Variants in NPAS3 observed in about 807,000 individuals in gnomAD.
The protein encoded by NPAS3 is neuronal PAS domain-containing protein 3.
NPAS3 carries 14 observed loss-of-function variants against 73.1 expected under a neutral mutation model. The observed-to-expected ratio is 0.19, with a 90% CI of 0.13 to 0.30. The LOEUF (loss-of-function observed/expected upper bound fraction) is 0.30, where lower values mean the gene tolerates loss of function less well. NPAS3 is among the 10% of genes least tolerant of loss of function. NPAS3 has a pLI of 1.00. For missense variants in NPAS3, 1,096 were observed against 1,250.0 expected, an observed-to-expected ratio of 0.88 and a Z score of 1.86; for synonymous variants, 620 against 541.5, an observed-to-expected ratio of 1.14 and a Z score of -2.01.
At chr14:33,398,802 G>T (rs989342891) in intron 4 of NPAS3, among the ~76,000 whole-genome samples, 1 of 152,086 alleles carries the variant, frequency 6.6e-6, no homozygotes, top group South Asian at 2.1e-4. Flanking sequence ...ATTTTGAAGA[G>T]ATTAAGTTGG....
chr14:33,205,135 A>G (rs982217049), intron 2 of NPAS3, among the ~76,000 whole-genome samples: 2 of 152,194 alleles, frequency 1.3e-5, no homozygotes, highest in African/African-American at 4.8e-5. Flanking sequence ...TTTGATTTGT[A>G]GCAGTTCATT....
At chr14:33,438,172 T>C (rs1220908478) in intron 4 of NPAS3, among the ~76,000 whole-genome samples, 1 of 152,314 alleles carries the variant, frequency 6.6e-6, no homozygotes, top group East Asian at 1.9e-4. Flanking sequence ...TTACTGAGCA[T>C]AAAAAACATA....
intron 5 of NPAS3, among the ~76,000 whole-genome samples, chr14:33,645,951 A>C (rs1417828941): frequency 6.6e-6 from 1 of 152,226 alleles, no homozygotes; most frequent in Non-Finnish European, 1.5e-5. Context: ...AGTAATGAAG[A>C]AAGAGAAGTT....
chr14:33,513,489 T>C lies in NPAS3; in HGVS notation c.469-46632T>C, dbSNP rs902540962. 8.5e-5 allele frequency among the ~76,000 whole-genome samples: 13 copies of C among 152,186 alleles called. No homozygotes were observed. The East Asian group carries it at 2.5e-3, about 30-fold the overall frequency. ...AGCCAGCCTTTGAGTACAGTAGGTA[T>C]TGGTTCCATAATTATATAATGTTAA... is the stretch of plus-strand genomic sequence containing the variant. On this transcript the variant is annotated intron_variant, in intron 4 of 11. Coordinates refer to ENST00000356141, the Ensembl canonical transcript of NPAS3.
In NPAS3 at chr14:33,749,596, G is replaced by C. The variant is rs192031940; in HGVS notation, c.852+14264G>C. Among the ~76,000 whole-genome samples, 15 of 152,252 alleles carry C rather than the reference G, an allele frequency of 9.9e-5. No homozygotes were observed. The East Asian group carries it at 2.5e-3, about 25-fold the overall frequency. Reference sequence around the variant, plus strand: ...CTTTTCTTTATACTGAAATGATATAGAGAGTGATGCAATTTGCCCAACAAC... The same window carrying C: ...CTTTTCTTTATACTGAAATGATATACAGAGTGATGCAATTTGCCCAACAAC... On this transcript the variant is annotated intron_variant, in intron 7 of 11. Coordinates refer to ENST00000356141, the Ensembl canonical transcript of NPAS3.
intron 5 of NPAS3, among the ~76,000 whole-genome samples, chr14:33,618,098 C>A (rs533780554): frequency 6.6e-6 from 1 of 152,226 alleles, no homozygotes; most frequent in South Asian, 2.1e-4. Context: ...CATATCCACC[C>A]TGAACAGAGA....
intron 3 of NPAS3, among the ~76,000 whole-genome samples, chr14:33,328,223 C>T (rs1029688880): frequency 9.9e-5 from 15 of 151,930 alleles, no homozygotes; most frequent in East Asian, 1.9e-4. Context: ...CCAAGGGATC[C>T]GAGCATGGTT....
intron 6 of NPAS3, among the ~76,000 whole-genome samples, chr14:33,683,705 T>A (rs2060006491): frequency 6.6e-6 from 1 of 152,170 alleles, no homozygotes; most frequent in Non-Finnish European, 1.5e-5. Context: ...CTGGAAACCA[T>A]CTCCACCCCT....
At chr14:33,494,740 CA>C (rs2052083060) in intron 4 of NPAS3, among the ~76,000 whole-genome samples, 1 of 152,036 alleles carries the variant, frequency 6.6e-6, no homozygotes, top group African/African-American at 2.4e-5. Flanking sequence ...TTACAGTCAA[CA>C]ACATTCCTTA....
At chr14:33,774,065 A>G (rs2062736274) in intron 7 of NPAS3, among the ~76,000 whole-genome samples, 1 of 152,116 alleles carries the variant, frequency 6.6e-6, no homozygotes, top group African/African-American at 2.4e-5. Flanking sequence ...TTTGGTTATG[A>G]GTTTTCCCTT....
chr14:33,090,993 T>C (rs1016680708), intron 2 of NPAS3, among the ~76,000 whole-genome samples: 1 of 152,214 alleles, frequency 6.6e-6, no homozygotes, highest in Non-Finnish European at 1.5e-5. Context: ...TAAAGCTGTG[T>C]GTCGACGGAA....
intron 2 of NPAS3, among the ~76,000 whole-genome samples, chr14:33,158,723 C>T (rs1000384802): frequency 1.8e-4 from 27 of 152,060 alleles, no homozygotes; most frequent in Non-Finnish European, 4.4e-5. Context: ...GCAAAGGCCA[C>T]GAGATGGGGG....
chr14:33,585,770 T>C (rs1958545), intron 5 of NPAS3, among the ~76,000 whole-genome samples: 39,963 of 152,072 alleles, frequency 0.26, 5,674 homozygotes, highest in South Asian at 0.44. Flanking sequence ...TGGTGCCTAA[T>C]GTATTTTAGA....
chr14:33,509,191 C>T (rs187033085), intron 4 of NPAS3, among the ~76,000 whole-genome samples: 7 of 151,886 alleles, frequency 4.6e-5, no homozygotes, highest in South Asian at 2.1e-4. Context: ...TTTGTGTTAT[C>T]GCTTGGCAAA....
chr14:32,976,044 TAA>T (rs1271965901), intron 1 of NPAS3, among the ~76,000 whole-genome samples: 1 of 152,158 alleles, frequency 6.6e-6, no homozygotes, highest in Non-Finnish European at 1.5e-5. Flanking sequence ...CAGTGGCTTT[TAA>T]ACATGAGTGT....
chr14:33,281,130 G>C (rs1403726659), intron 3 of NPAS3, among the ~76,000 whole-genome samples: 2 of 152,130 alleles, frequency 1.3e-5, no homozygotes, highest in East Asian at 3.9e-4. Flanking sequence ...GGAACCATTT[G>C]TTTTGTAGTC....
chr14:33,035,977 G>A (rs192938884), intron 1 of NPAS3, among the ~76,000 whole-genome samples: 160 of 152,242 alleles, frequency 1.1e-3, no homozygotes, highest in Non-Finnish European at 1.8e-3. Flanking sequence ...TTGTGCTTTC[G>A]TAACTTATTT....
intron 2 of NPAS3, among the ~76,000 whole-genome samples, chr14:33,209,481 G>A (rs1440444987): frequency 6.7e-6 from 1 of 148,306 alleles, no homozygotes; most frequent in Admixed American, 6.7e-5. Context: ...AGGTACTGGA[G>A]TAACTATAGA....
intron 7 of NPAS3, among the ~76,000 whole-genome samples, chr14:33,743,639 C>G (rs1308301038): frequency 6.6e-6 from 1 of 152,220 alleles, no homozygotes; most frequent in Non-Finnish European, 1.5e-5. Flanking sequence ...ATCCACCTAT[C>G]CTTTAAAGCT....
Sources: allele counts gnomAD v4.1 joint callset (sites outside exome capture counted in the v4.1 genomes callset), GRCh38; gene constraint gnomAD v4.1.1; transcripts MANE v1.5; gene names NCBI Gene and HGNC (gene_info 2026-07-23, HGNC 2026-07-21).